Variants in AXDND1 observed in about 807,000 individuals in gnomAD.
AXDND1 encodes axonemal dynein light chain domain-containing protein 1.
A neutral mutation model predicts 137.5 loss-of-function variants in AXDND1; 110 were observed. The observed-to-expected ratio is 0.80, with a 90% CI of 0.69 to 0.94. The LOEUF is 0.94. AXDND1 is among the 40% of genes least tolerant of loss of function. The pLI is 0.00. For missense variants in AXDND1, 1,191 were observed against 1,169.8 expected (o/e 1.02, Z -0.26); for synonymous variants, 414 against 399.7 (o/e 1.04, Z -0.43).
At chr1:179,524,571 G>A (rs1266538430) in intron 21 of AXDND1, among the ~76,000 whole-genome samples, 1 of 151,994 alleles carries the variant, frequency 6.6e-6, no homozygotes, top group Admixed American at 6.6e-5. Context: ...TCTGTGAATG[G>A]CATTGTCATC....
intron 18 of AXDND1, among the ~76,000 whole-genome samples, chr1:179,487,475 G>A (rs1228924396): frequency 1.4e-5 from 2 of 143,966 alleles, no homozygotes; most frequent in African/African-American, 5.4e-5. Flanking sequence ...ATGATTTTTG[G>A]TAATGGTTCA....
At chr1:179,391,127 T>TC (rs1650116801) in intron 9 of AXDND1, among the ~76,000 whole-genome samples, 2 of 144,562 alleles carry the variant, frequency 1.4e-5, no homozygotes, top group Non-Finnish European at 3.1e-5. Context: ...TTTTTTTTTT[T>TC]CCTATATTGT....
chr1:179,455,868 GTTTGT>G (rs367654611), intron 16 of AXDND1: 38 of 191,730 alleles, frequency 2.0e-4, no homozygotes, highest in African/African-American at 5.1e-4. Context: ...TTAAGACATA[GTTTGT>G]TTTGTTTTGT....
At chr1:179,399,818 T>C (rs1023818539) in intron 11 of AXDND1, among the ~76,000 whole-genome samples, 1 of 152,038 alleles carries the variant, frequency 6.6e-6, no homozygotes, top group Non-Finnish European at 1.5e-5. Context: ...AACAAACATA[T>C]GAAAAAATGC....
chr1:179,486,022 C>T (rs977409807), intron 18 of AXDND1, among the ~76,000 whole-genome samples: 7 of 149,350 alleles, frequency 4.7e-5, no homozygotes, highest in East Asian at 4.0e-4. Context: ...AGGAGGCTGA[C>T]GCAGGAGAAT....
At chr1:179,370,936 T>C (rs1173389926) in intron 4 of AXDND1, among the ~76,000 whole-genome samples, 2 of 152,230 alleles carry the variant, frequency 1.3e-5, no homozygotes, top group African/African-American at 4.8e-5. Flanking sequence ...TAGGTGCTAT[T>C]ACTCAGCTAT....
At position 179,491,598 on chromosome 1, in the gene AXDND1, C is replaced by T. The variant is rs1330964045; in HGVS notation, c.2152C>T (p.Pro718Ser). The T allele has an allele frequency of 1.2e-6, 2 of 1,613,346 alleles. No homozygotes were observed. The highest frequency in any genetic ancestry group is 2.2e-5 in the East Asian group (1 of 44,850). Residue 718 changes from proline (P) to serine (S), a missense_variant, in exon 19 of 26, where the codon CCC (proline) becomes TCC (serine). Transcript: ENST00000367618. ...GGTAAACTTGCTGATTTTAATGATA[C>T]CCAACTTTACTGACCAAGACTGTCT... is the stretch of plus-strand genomic sequence containing the variant. ...WMVNLLILMI[P>S]NFTDQDCLLK...
chr1:179,389,056 C>T (rs1032232902), intron 9 of AXDND1, among the ~76,000 whole-genome samples: 1 of 137,928 alleles, frequency 7.3e-6, no homozygotes, highest in East Asian at 2.2e-4. Context: ...CTCACTGCAA[C>T]CTCCACCTCC....
chr1:179,405,515 G>A (rs1431965788), intron 11 of AXDND1, among the ~76,000 whole-genome samples: 1 of 152,114 alleles, frequency 6.6e-6, no homozygotes, highest in Non-Finnish European at 1.5e-5. Context: ...CATAATGGTT[G>A]AACTAATTTA....
At chr1:179,467,361 C>T (rs1005038431) in intron 16 of AXDND1, among the ~76,000 whole-genome samples, 7 of 151,896 alleles carry the variant, frequency 4.6e-5, no homozygotes, top group Non-Finnish European at 5.9e-5. Context: ...TCTGGATCTG[C>T]GGGTTCTGCA....
intron 4 of AXDND1, among the ~76,000 whole-genome samples, chr1:179,374,377 G>A (rs1571526094): frequency 6.6e-6 from 1 of 152,146 alleles, no homozygotes; most frequent in South Asian, 2.1e-4. Context: ...ACTGTTGGTG[G>A]GAGGATAAAC....
chr1:179,373,560 T>C (rs1254017908), intron 4 of AXDND1, among the ~76,000 whole-genome samples: 3 of 152,138 alleles, frequency 2.0e-5, no homozygotes, highest in Non-Finnish European at 4.4e-5. Flanking sequence ...GGCATCACGC[T>C]ACCTGACTTC....
intron 4 of AXDND1, among the ~76,000 whole-genome samples, chr1:179,373,993 A>G (rs1230505925): frequency 2.0e-5 from 3 of 152,230 alleles, no homozygotes; most frequent in Non-Finnish European, 2.9e-5. Flanking sequence ...TAATTAAACT[A>G]AAGAGCTTCT....
rs180913813 is a variant in AXDND1 at position 179,366,183 on chromosome 1, G to T, written c.-107+183G>T. ...GTGTCCCCCACCAGGGGTGCCGGCG[G>T]TCTGCGGGGTCCGCCGAGCGGGTCC... is the stretch of plus-strand genomic sequence containing the variant. On this transcript the variant is annotated intron_variant, in intron 1 of 25. Coordinates refer to ENST00000367618, the MANE Select transcript of AXDND1 (RefSeq NM_144696.6). The T allele has an allele frequency of 2.5e-3, 430 of 169,160 alleles. 3 individuals are homozygous for T. The highest frequency in any genetic ancestry group is 9.4e-3 in the African/African-American group (395 of 41,934). The allele number at this position is 169,160 out of a possible 1,614,324, so 10.5% of individuals were successfully genotyped here. A position where few individuals can be genotyped will look rare whatever the true frequency, so the allele number is the denominator to read the frequency against.
At chr1:179,462,088 T>A (rs2125447444) in intron 16 of AXDND1, among the ~76,000 whole-genome samples, 2 of 152,296 alleles carry the variant, frequency 1.3e-5, no homozygotes, top group Non-Finnish European at 1.5e-5. Context: ...TTATGTTGAA[T>A]AGGAGTGGTG....
At chr1:179,430,430 TG>T in intron 13 of AXDND1, 21 bp from the exon 14 acceptor site, 1 of 1,564,700 alleles carries the variant, frequency 6.4e-7, no homozygotes, top group Non-Finnish European at 8.7e-7. Context: ...ATATATTATT[TG>T]ATTCTATGCA....
chr1:179,395,163 A>G lies in AXDND1; in HGVS notation c.1070A>G (p.Asp357Gly). The change falls in exon 11 of 26, where the codon GAT becomes GGT. Residue 357 changes from aspartate (D) to glycine (G), a missense_variant. Coordinates refer to ENST00000367618, the MANE Select transcript of AXDND1 (RefSeq NM_144696.6). ...LTKETEKAHKDLAQALLNAEK... is the reference protein window; with the variant it reads ...LTKETEKAHKGLAQALLNAEK... ...AAGGAAACAGAAAAAGCCCACAAGG[A>G]TTTGGCACAAGCTCTTTTAAATGCG... 6.2e-7 allele frequency: 1 copy of G among 1,613,674 alleles called. No individual in the cohort carries two copies. Among genetic ancestry groups the G allele is most frequent in the South Asian group, 1.1e-5 (1 of 90,984 alleles).
At chr1:179,447,431 G>T in intron 16 of AXDND1, 1 of 364,202 alleles carries the variant, frequency 2.7e-6, no homozygotes. Context: ...TCTGATTTTT[G>T]TGTATTTAAG....
At position 179,492,959 on chromosome 1, in the gene AXDND1, C is replaced by G; in HGVS notation, c.2388+8C>G. ...GAGGTGGATAAGTTGAAGGTAATAA[C>G]TCTGTCTTCCCCTTAGTTTTGTTTT... On this transcript the variant is annotated splice_region_variant and intron_variant, in intron 20 of 25. Transcript: ENST00000367618. 1 of 1,554,174 alleles carries G rather than the reference C, an allele frequency of 6.4e-7. No homozygotes were observed. Among genetic ancestry groups the G allele is most frequent in the South Asian group, 1.2e-5 (1 of 84,832 alleles).
Sources: allele counts gnomAD v4.1 joint callset (sites outside exome capture counted in the v4.1 genomes callset), GRCh38; gene constraint gnomAD v4.1.1; transcripts MANE v1.5; gene names NCBI Gene and HGNC (gene_info 2026-07-23, HGNC 2026-07-21).